LRRC28: variants seen among roughly 807,000 people sequenced by gnomAD.
The protein encoded by LRRC28 is leucine rich repeat containing 28, also known as leucine-rich repeat-containing protein 28.
Under a neutral mutation model 45.7 loss-of-function variants are expected in LRRC28, and 39 were observed. The ratio of observed to expected loss-of-function variants is 0.85; its 90% CI spans 0.66 to 1.12. LRRC28 has a LOEUF of 1.12. Ranked by LOEUF, LRRC28 falls within the 50% of genes most tolerant of loss-of-function variation. LRRC28 has a pLI of 0.00. For missense variants in LRRC28, 435 were observed against 438.5 expected (o/e 0.99, Z 0.07); for synonymous variants, 206 against 178.8 (o/e 1.15, Z -1.22).
intron 9 of LRRC28, among the ~76,000 whole-genome samples, chr15:99,374,835 A>AT (rs78386790): frequency 1.0e-3 from 149 of 144,428 alleles, no homozygotes; most frequent in Middle Eastern, 7.2e-3. Flanking sequence ...GCCTGGCTAA[A>AT]TTTTTTTTTT....
intron 5 of LRRC28, among the ~76,000 whole-genome samples, chr15:99,317,173 T>G (rs1440811218): frequency 6.6e-6 from 1 of 152,186 alleles, no homozygotes; most frequent in Non-Finnish European, 1.5e-5. Flanking sequence ...GGGTCCAAAA[T>G]AATTCCTTTT....
At chr15:99,294,457 C>T (rs8039009) in intron 5 of LRRC28, among the ~76,000 whole-genome samples, 15,470 of 152,110 alleles carry the variant, frequency 0.1, 947 homozygotes, top group African/African-American at 0.18. Context: ...TTATGCTCCT[C>T]TGTCTTAATC....
intron 2 of LRRC28, chr15:99,258,466 A>C (rs1456961301): frequency 1.2e-6 from 1 of 811,158 alleles, no homozygotes; most frequent in Non-Finnish European, 2.2e-6. Context: ...TTATGTATGG[A>C]GCAGCAAGAC....
chr15:99,328,196 G>C (rs1374732849), intron 5 of LRRC28, among the ~76,000 whole-genome samples: 1 of 152,186 alleles, frequency 6.6e-6, no homozygotes, highest in African/African-American at 2.4e-5. Flanking sequence ...GTTCTTCTTA[G>C]ATGTCAAATT....
chr15:99,289,902 C>T (rs1361366522), intron 5 of LRRC28, among the ~76,000 whole-genome samples: 7 of 131,108 alleles, frequency 5.3e-5, no homozygotes, highest in South Asian at 5.3e-4. Context: ...CACTGCAGTC[C>T]GCAGTCCGGC....
At chr15:99,341,597 C>T (rs900306647) in intron 6 of LRRC28, among the ~76,000 whole-genome samples, 2 of 152,050 alleles carry the variant, frequency 1.3e-5, no homozygotes, top group African/African-American at 4.8e-5. Flanking sequence ...GTATTTTTCT[C>T]TAAGTTTTGG....
At chr15:99,315,639 T>C (rs1955566489) in intron 5 of LRRC28, among the ~76,000 whole-genome samples, 1 of 152,234 alleles carries the variant, frequency 6.6e-6, no homozygotes, top group Admixed American at 6.5e-5. Context: ...TTTGTACAAA[T>C]TAGCTAATGC....
In LRRC28 at chr15:99,388,472, C is replaced by T. The variant is rs1046451934; in HGVS notation, c.*2370C>T. 6.6e-6 allele frequency: 1 copy of T among 152,220 alleles called. No homozygotes were observed. The allele number at this position is 152,220 out of a possible 1,614,324, so 9.4% of individuals were successfully genotyped here. On this transcript the variant is annotated 3_prime_UTR_variant, in exon 10 of 10. Coordinates refer to ENST00000301981, the MANE Select transcript of LRRC28 (RefSeq NM_144598.5). ...GCAGACAACCTTTGGGCAGTCTCAA[C>T]CTTAATCCTTGGGTACAGCACCTGA...
At chr15:99,334,868 T>A (rs1956273644) in intron 6 of LRRC28, among the ~76,000 whole-genome samples, 1 of 152,196 alleles carries the variant, frequency 6.6e-6, no homozygotes, top group Non-Finnish European at 1.5e-5. Flanking sequence ...ATTTTTATAA[T>A]TTATCTCTGA....
chr15:99,363,262 A>C lies in LRRC28; in HGVS notation c.1028A>C (p.Gln343Pro), dbSNP rs1202842466. Reference sequence around the variant, plus strand: ...GAGACGCCAATGGCAGGGCTGCACCAGTGGTAATCATGCCTAAGTGGGCAC... The same window carrying C: ...GAGACGCCAATGGCAGGGCTGCACCCGTGGTAATCATGCCTAAGTGGGCAC... ...LRETPMAGLHQWKTTVSFVAY... is the reference protein window; with the variant it reads ...LRETPMAGLHPWKTTVSFVAY... Residue 343 changes from glutamine (Q) to proline (P), a missense_variant, in exon 9 of 10, where the codon CAG becomes CCG. By Grantham distance (76) the Gln-to-Pro change is moderately conservative. Transcript: ENST00000301981. The C allele has an allele frequency of 1.2e-6, 2 of 1,613,792 alleles. No individual in the cohort carries two copies. Among genetic ancestry groups the C allele is most frequent in the Non-Finnish European group, 1.7e-6 (2 of 1,179,834 alleles).
chr15:99,309,126 T>A (rs1567649336), intron 5 of LRRC28, among the ~76,000 whole-genome samples: 1 of 152,242 alleles, frequency 6.6e-6, no homozygotes, highest in Admixed American at 6.5e-5. Context: ...CTTATTTTGC[T>A]GCCATGAGTA....
intron 3 of LRRC28, among the ~76,000 whole-genome samples, chr15:99,277,598 A>G (rs1000081387): frequency 6.6e-6 from 1 of 152,198 alleles, no homozygotes; most frequent in African/African-American, 2.4e-5. Flanking sequence ...ATGTATTTTA[A>G]AAGTAGATGT....
At chr15:99,374,330 T>A (rs1293249166) in intron 9 of LRRC28, among the ~76,000 whole-genome samples, 1 of 152,232 alleles carries the variant, frequency 6.6e-6, no homozygotes, top group Non-Finnish European at 1.5e-5. Flanking sequence ...TAAGTTTATA[T>A]CAAAATATTT....
chr15:99,258,823 TA>T, intron 2 of LRRC28: 1 of 698,900 alleles, frequency 1.4e-6, no homozygotes, highest in Non-Finnish European at 2.7e-6. Flanking sequence ...AATATGGATC[TA>T]AAAAGAGCGA....
At chr15:99,309,497 C>T (rs559001533) in intron 5 of LRRC28, among the ~76,000 whole-genome samples, 200 of 152,294 alleles carry the variant, frequency 1.3e-3, no homozygotes, top group African/African-American at 4.6e-3. Flanking sequence ...CAACCTCTGC[C>T]TCCTGGGTTC....
chr15:99,343,969 C>T (rs1033113114), intron 6 of LRRC28, among the ~76,000 whole-genome samples: 1 of 152,112 alleles, frequency 6.6e-6, no homozygotes, highest in Non-Finnish European at 1.5e-5. Flanking sequence ...ATCACAGCAT[C>T]GCCTTTACAG....
intron 9 of LRRC28, chr15:99,384,882 G>A (rs1490649027): frequency 6.6e-6 from 1 of 152,246 alleles, no homozygotes; most frequent in East Asian, 1.9e-4. Context: ...GTATTCATCA[G>A]GGCTGGAAAA....
chr15:99,254,085 G>C (rs771643345), intron 1 of LRRC28, among the ~76,000 whole-genome samples: 3 of 152,232 alleles, frequency 2.0e-5, no homozygotes, highest in Non-Finnish European at 2.9e-5. Flanking sequence ...CAGTTTCCTA[G>C]TTCAGTGAAT....
intron 5 of LRRC28, among the ~76,000 whole-genome samples, chr15:99,295,480 C>T (rs777091250): frequency 9.9e-5 from 15 of 152,192 alleles, no homozygotes; most frequent in Non-Finnish European, 1.5e-4. Context: ...TTAAACCTCG[C>T]TAAACATCAC....
Sources: allele counts gnomAD v4.1 joint callset (sites outside exome capture counted in the v4.1 genomes callset), GRCh38; gene constraint gnomAD v4.1.1; transcripts MANE v1.5; gene names NCBI Gene and HGNC (gene_info 2026-07-23, HGNC 2026-07-21).